ZMAT4: variants seen among roughly 807,000 people sequenced by gnomAD.
ZMAT4 encodes zinc finger matrin-type 4.
In ZMAT4, 17 loss-of-function variants were observed where a neutral mutation model predicts 28.7. The observed-to-expected ratio is 0.59, with a 90% CI of 0.41 to 0.89. The LOEUF is 0.89. ZMAT4 is among the 40% of genes least tolerant of loss of function. The pLI is 0.00. For synonymous variants in ZMAT4, 117 were observed against 109.2 expected (o/e 1.07, Z -0.44); for missense variants, 240 against 283.8 (o/e 0.85, Z 1.11).
chr8:40,734,119 T>G (rs1029774362), intron 3 of ZMAT4, among the ~76,000 whole-genome samples: 1 of 152,194 alleles, frequency 6.6e-6, no homozygotes, highest in Non-Finnish European at 1.5e-5. Context: ...AGAATGAGGA[T>G]AGCAAGCTAC....
rs140708796 is a variant in ZMAT4, at chr8:40,566,513, C to G, written c.674+14652G>C. 7.4e-4 allele frequency among the ~76,000 whole-genome samples: 112 copies of G among 152,246 alleles called. 1 individual carries two copies. The highest frequency in any genetic ancestry group is 3.4e-3 in the Middle Eastern group (1 of 294). On this transcript the variant is annotated intron_variant, in intron 6 of 6. Transcript: ENST00000297737. ...CTCAAATTACACTGTGACCTGATCT[C>G]TCCTTTCCATGGGAGGTGCATTTTT...
chr8:40,855,866 T>G (rs1315726238), intron 1 of ZMAT4, among the ~76,000 whole-genome samples: 1 of 151,884 alleles, frequency 6.6e-6, no homozygotes, highest in Non-Finnish European at 1.5e-5. Context: ...TTTTTTTATT[T>G]TTTTTGTAGA....
chr8:40,697,484 G>A, intron 3 of ZMAT4, 83 bp from the exon 4 acceptor site: 1 of 1,275,218 alleles, frequency 7.8e-7, no homozygotes. Context: ...ACGAACTAGT[G>A]TATTGAAATA....
chr8:40,543,490 T>C (rs1803107163), intron 6 of ZMAT4, among the ~76,000 whole-genome samples: 1 of 152,176 alleles, frequency 6.6e-6, no homozygotes, highest in Admixed American at 6.5e-5. Context: ...CAAATAACGA[T>C]ATCCTCCAAA....
chr8:40,685,743 C>T (rs545068388), intron 4 of ZMAT4, among the ~76,000 whole-genome samples: 1 of 151,942 alleles, frequency 6.6e-6, no homozygotes, highest in Non-Finnish European at 1.5e-5. Flanking sequence ...CATCTCAGGC[C>T]CCAACCTCGA....
rs1246683784 is a variant in ZMAT4, at chr8:40,651,741, T to C, written c.577+22963A>G. On this transcript the variant is annotated intron_variant, in intron 5 of 6. Coordinates refer to ENST00000297737, the MANE Select transcript of ZMAT4 (RefSeq NM_024645.3). ...ACTGGTACCAAAACAGAGATATAGA[T>C]CAATGGAACAGAACAGAGCCCTCAG... 2.0e-5 allele frequency among the ~76,000 whole-genome samples: 3 copies of C among 151,406 alleles called. No homozygotes were observed. The East Asian group carries it at 5.9e-4, about 30-fold the overall frequency.
chr8:40,856,989 A>G (rs1361442047), intron 1 of ZMAT4, among the ~76,000 whole-genome samples: 1 of 152,162 alleles, frequency 6.6e-6, no homozygotes, highest in Non-Finnish European at 1.5e-5. Context: ...CTAAAGTCAT[A>G]AATAATTAAA....
intron 5 of ZMAT4, among the ~76,000 whole-genome samples, chr8:40,599,573 G>A (rs1805226369): frequency 6.6e-6 from 1 of 152,170 alleles, no homozygotes; most frequent in Non-Finnish European, 1.5e-5. Flanking sequence ...TAAAAATAGA[G>A]GAACACATTA....
At chr8:40,535,947 A>G in intron 6 of ZMAT4, among the ~76,000 whole-genome samples, 1 of 152,152 alleles carries the variant, frequency 6.6e-6, no homozygotes, top group East Asian at 1.9e-4. Context: ...GTTTACATGA[A>G]ATGATACGGC....
chr8:40,734,760 A>C (rs1384881292), intron 3 of ZMAT4, among the ~76,000 whole-genome samples: 1 of 152,200 alleles, frequency 6.6e-6, no homozygotes, highest in Non-Finnish European at 1.5e-5. Context: ...ATATGACTTA[A>C]GGCTGTTTTC....
chr8:40,749,904 A>T (rs1004806613), intron 3 of ZMAT4, among the ~76,000 whole-genome samples: 3 of 152,172 alleles, frequency 2.0e-5, no homozygotes, highest in Non-Finnish European at 1.5e-5. Context: ...ACATGATAGA[A>T]TTTTCTGAAA....
intron 2 of ZMAT4, 60 bp downstream of exon 2, chr8:40,825,515 A>C: frequency 1.4e-6 from 2 of 1,433,096 alleles, no homozygotes; most frequent in Non-Finnish European, 1.9e-6. Context: ...GAGTCCTACA[A>C]CAATGACCCG....
chr8:40,669,355 G>A (rs539469361), intron 5 of ZMAT4, among the ~76,000 whole-genome samples: 2 of 152,068 alleles, frequency 1.3e-5, no homozygotes, highest in South Asian at 4.2e-4. Flanking sequence ...GGAAGGACTG[G>A]TACTGTAGAG....
chr8:40,603,405 G>A (rs753053750), intron 5 of ZMAT4, among the ~76,000 whole-genome samples: 4 of 151,980 alleles, frequency 2.6e-5, no homozygotes, highest in East Asian at 1.9e-4. Context: ...TTGGCTATGC[G>A]GACTCTTTTT....
At chr8:40,575,292 G>A (rs1025494829) in intron 6 of ZMAT4, among the ~76,000 whole-genome samples, 3 of 152,148 alleles carry the variant, frequency 2.0e-5, no homozygotes, top group African/African-American at 4.8e-5. Flanking sequence ...CGCCCAGCCA[G>A]AGAAACACAA....
At chr8:40,656,711 C>T (rs190719161) in intron 5 of ZMAT4, among the ~76,000 whole-genome samples, 1 of 151,980 alleles carries the variant, frequency 6.6e-6, no homozygotes, top group African/African-American at 2.4e-5. Flanking sequence ...TCATTACAGG[C>T]AGCATGCATA....
chr8:40,536,901 G>A (rs1802864190), intron 6 of ZMAT4, among the ~76,000 whole-genome samples: 1 of 143,704 alleles, frequency 7.0e-6, no homozygotes, highest in Non-Finnish European at 1.5e-5. Context: ...GAGGGGGTTT[G>A]GAGAAAAAAA....
At chr8:40,867,608 C>T (rs1426553521) in intron 1 of ZMAT4, among the ~76,000 whole-genome samples, 3 of 152,224 alleles carry the variant, frequency 2.0e-5, no homozygotes. Flanking sequence ...TCACATACAG[C>T]AGCACAGTCT....
At chr8:40,580,093 A>G (rs1031417422) in intron 6 of ZMAT4, among the ~76,000 whole-genome samples, 1 of 149,286 alleles carries the variant, frequency 6.7e-6, no homozygotes, top group Non-Finnish European at 1.5e-5. Flanking sequence ...GTTCACTGCA[A>G]TCTCCACCTC....
Sources: gnomAD v4.1 joint callset for allele counts (sites outside exome capture counted in the v4.1 genomes callset) on GRCh38, gnomAD v4.1.1 for gene constraint, MANE v1.5 for transcripts, NCBI Gene and HGNC (gene_info 2026-07-23, HGNC 2026-07-21) for gene names.